The following SCHIP1 variants were observed in gnomAD, a reference collection of about 807,000 sequenced individuals.
SCHIP1 encodes schwannomin interacting protein 1.
Under a neutral mutation model 29.7 loss-of-function variants are expected in SCHIP1, and 8 were observed. That is an observed-to-expected ratio of 0.27 (90% CI 0.16 to 0.49). The LOEUF (loss-of-function observed/expected upper bound fraction) is 0.49. SCHIP1 is among the 20% of genes least tolerant of loss of function. The probability of loss-of-function intolerance (pLI) is 0.99; values close to 1 mark genes in which losing one functional copy is unlikely to be tolerated. For missense variants in SCHIP1, 193 were observed against 294.6 expected, an observed-to-expected ratio of 0.66 and a Z score of 2.52; for synonymous variants, 76 against 94.9, an observed-to-expected ratio of 0.80 and a Z score of 1.16.
At chr3:159,414,211 C>T in the SCHIP1 span, among the ~76,000 whole-genome samples, 1,215 of 152,224 alleles carry the variant, frequency 8.0e-3, 16 homozygotes, top group South Asian at 0.063. Flanking sequence ...TATTTCAGAA[C>T]CAGGACTGGT....
At chr3:159,330,694 C>G in the SCHIP1 span, among the ~76,000 whole-genome samples, 1 of 152,256 alleles carries the variant, frequency 6.6e-6, no homozygotes, top group East Asian at 1.9e-4. Flanking sequence ...TTTCAAGGTA[C>G]AGCAGAAGAA....
the SCHIP1 span, among the ~76,000 whole-genome samples, chr3:159,349,068 G>A: frequency 3.3e-5 from 5 of 152,132 alleles, no homozygotes; most frequent in Non-Finnish European, 7.4e-5. Flanking sequence ...CATAGAATTG[G>A]GATATTATAG....
the SCHIP1 span, among the ~76,000 whole-genome samples, chr3:159,429,189 G>T: frequency 2.9e-5 from 4 of 139,578 alleles, no homozygotes; most frequent in Middle Eastern, 3.9e-3. Flanking sequence ...AAAACTTAAA[G>T]TATAATAATA....
chr3:159,886,458 C>T, intron 3 of SCHIP1, 134 bp downstream of exon 4: 1 of 723,576 alleles, frequency 1.4e-6, no homozygotes, highest in Non-Finnish European at 2.2e-6. Context: ...ATTGCATGCT[C>T]CTAAAATTTG....
the SCHIP1 span, among the ~76,000 whole-genome samples, chr3:159,367,406 A>C: frequency 6.6e-6 from 1 of 152,088 alleles, no homozygotes; most frequent in Non-Finnish European, 1.5e-5. Context: ...CTCAAAAAAA[A>C]AAAAAAAGTC....
the SCHIP1 span, among the ~76,000 whole-genome samples, chr3:159,701,758 C>CA: frequency 6.6e-6 from 1 of 151,002 alleles, no homozygotes; most frequent in Non-Finnish European, 1.5e-5. Context: ...CCTCAGTGAC[C>CA]TTTTTTTTTC....
chr3:159,666,923 C>A, the SCHIP1 span, among the ~76,000 whole-genome samples: 1 of 152,236 alleles, frequency 6.6e-6, no homozygotes, highest in African/African-American at 2.4e-5. Context: ...CAGTTAGGTT[C>A]AAATCCCAGC....
chr3:159,657,269 C>T, the SCHIP1 span, among the ~76,000 whole-genome samples: 13 of 152,186 alleles, frequency 8.5e-5, no homozygotes, highest in Non-Finnish European at 1.5e-4. Context: ...TCTTCAATTA[C>T]CCCAGCTCCA....
the SCHIP1 span, among the ~76,000 whole-genome samples, chr3:159,583,494 T>C: frequency 6.6e-6 from 1 of 152,180 alleles, no homozygotes; most frequent in East Asian, 1.9e-4. Flanking sequence ...AGACATTTAT[T>C]TGAGATGTGG....
chr3:159,837,919 A>G (rs1012808032), upstream of SCHIP1, among the ~76,000 whole-genome samples: 1 of 152,106 alleles, frequency 6.6e-6, no homozygotes, highest in Non-Finnish European at 1.5e-5. Flanking sequence ...TTATTCATCA[A>G]GCTTTCATTG....
chr3:159,397,903 G>A, the SCHIP1 span, among the ~76,000 whole-genome samples: 13 of 152,198 alleles, frequency 8.5e-5, no homozygotes, highest in African/African-American at 3.1e-4. Flanking sequence ...CCTGGGCAAT[G>A]GCATGCACCC....
At chr3:159,751,945 C>T in the SCHIP1 span, among the ~76,000 whole-genome samples, 10 of 152,214 alleles carry the variant, frequency 6.6e-5, no homozygotes, top group East Asian at 1.5e-3. Context: ...ATACTTCATG[C>T]GTGGTTTAGC....
the SCHIP1 span, among the ~76,000 whole-genome samples, chr3:159,653,192 G>C: frequency 6.6e-6 from 1 of 152,134 alleles, no homozygotes; most frequent in African/African-American, 2.4e-5. Flanking sequence ...ATTCCTCAAG[G>C]ATCTAGAACC....
the SCHIP1 span, among the ~76,000 whole-genome samples, chr3:159,402,134 A>G: frequency 2.0e-5 from 3 of 152,254 alleles, no homozygotes; most frequent in African/African-American, 7.2e-5. Flanking sequence ...ATGAACAGAC[A>G]CTTCTCAAAA....
At chr3:159,399,827 C>G in the SCHIP1 span, among the ~76,000 whole-genome samples, 93 of 152,278 alleles carry the variant, frequency 6.1e-4, 1 homozygote, top group South Asian at 0.019. Context: ...TAGGCACACA[C>G]CACCATGCCC....
the SCHIP1 span, among the ~76,000 whole-genome samples, chr3:159,387,601 A>G: frequency 2.6e-5 from 4 of 152,246 alleles, no homozygotes; most frequent in Admixed American, 2.6e-4. Flanking sequence ...ATTGGCACAC[A>G]TTTTCTTTAA....
the SCHIP1 span, among the ~76,000 whole-genome samples, chr3:159,702,786 T>C: frequency 6.6e-6 from 1 of 152,244 alleles, no homozygotes; most frequent in Non-Finnish European, 1.5e-5. Context: ...GGTTCAACTA[T>C]ACCAACTTTA....
At chr3:159,705,675 G>C in the SCHIP1 span, among the ~76,000 whole-genome samples, 2 of 152,030 alleles carry the variant, frequency 1.3e-5, no homozygotes, top group Non-Finnish European at 2.9e-5. Flanking sequence ...GGATGGATGT[G>C]AGAATGCCGC....
the SCHIP1 span, among the ~76,000 whole-genome samples, chr3:159,424,444 CG>C: frequency 6.6e-6 from 1 of 151,596 alleles, no homozygotes; most frequent in Non-Finnish European, 1.5e-5. Flanking sequence ...GTATCAGTGA[CG>C]GAAGATGAAA....
Sources: allele counts gnomAD v4.1 joint callset (sites outside exome capture counted in the v4.1 genomes callset), GRCh38; gene constraint gnomAD v4.1.1; transcripts MANE v1.5; gene names NCBI Gene and HGNC (gene_info 2026-07-23, HGNC 2026-07-21).